The following NID2 variants were observed in gnomAD, a reference collection of about 807,000 sequenced individuals.
NID2 encodes nidogen 2.
NID2 carries 83 observed loss-of-function variants against 145.4 expected under a neutral mutation model. That is an observed-to-expected ratio of 0.57 (90% confidence interval 0.48 to 0.69). The LOEUF is 0.69. NID2 is among the 30% of genes least tolerant of loss of function. NID2 has a pLI of 0.00. For missense variants in NID2, 1,807 were observed against 1,765.7 expected (o/e 1.02, Z -0.42); for synonymous variants, 739 against 701.3 (o/e 1.05, Z -0.85).
At position 52,010,959 on chromosome 14, in the gene NID2, G is replaced by A; in HGVS notation, c.3639C>T (p.Ala1213=). The A allele has an allele frequency of 6.2e-7, 1 of 1,614,096 alleles. No individual in the cohort carries two copies. ...CCTTGCGCTCAGAGCCATCCAGCAGGGCGCTCTCTATCTTATCCAGGACAC... is the reference window on the plus strand; with the variant it reads ...CCTTGCGCTCAGAGCCATCCAGCAGAGCGCTCTCTATCTTATCCAGGACAC... ...TDSVLDKIES[A]LLDGSERKVL... is the part of the protein sequence containing the mutation. Residue 1213 remains alanine, a synonymous_variant, in exon 18 of 22, where the codon GCC becomes GCT. Transcript: ENST00000216286.
intron 5 of NID2, among the ~76,000 whole-genome samples, chr14:52,048,183 A>T (rs1426263205): frequency 6.6e-6 from 1 of 152,188 alleles, no homozygotes; most frequent in African/African-American, 2.4e-5. Context: ...ATTTCTGGCC[A>T]CCTGAGAAGC....
At position 52,054,021 on chromosome 14, in the gene NID2, C is replaced by G. The variant is rs762563617; in HGVS notation, c.1068G>C (p.Glu356Asp). 1 of 1,613,168 alleles carries G rather than the reference C, an allele frequency of 6.2e-7. No homozygotes were observed. The highest frequency in any genetic ancestry group is 1.1e-5 in the South Asian group (1 of 90,858). ...CAGAATCTGGAGGGGAGATCCTACC[C>G]TCTAAAGGCTTTGTATCCACTTTGG... ...FQSKVDTKPL[E>D]ESSTLDPHTK... Residue 356 changes from glutamate to aspartate, a missense_variant and splice_region_variant, in exon 4 of 22, where the codon GAG becomes GAC. Glu to Asp is a conservative substitution (Grantham distance 45). Transcript: ENST00000216286.
chr14:52,036,783 A>G (rs1028491105), intron 9 of NID2, among the ~76,000 whole-genome samples: 2 of 152,168 alleles, frequency 1.3e-5, no homozygotes, highest in Admixed American at 6.5e-5. Context: ...ACACATGCCC[A>G]TTGGGTATCT....
At chr14:52,018,233 G>C (rs572796119) in intron 14 of NID2, among the ~76,000 whole-genome samples, 21 of 152,334 alleles carry the variant, frequency 1.4e-4, no homozygotes, top group African/African-American at 4.8e-4. Flanking sequence ...AGTAAAAATG[G>C]ATCTTTGGAT....
At chr14:52,062,531 AT>A (rs1448608135) in intron 2 of NID2, among the ~76,000 whole-genome samples, 2 of 152,254 alleles carry the variant, frequency 1.3e-5, no homozygotes, top group Admixed American at 1.3e-4. Flanking sequence ...ATTAGTCAGA[AT>A]AAAGAAAAAT....
chr14:52,047,903 A>G (rs1005388686), intron 5 of NID2, among the ~76,000 whole-genome samples: 1 of 152,284 alleles, frequency 6.6e-6, no homozygotes, highest in Non-Finnish European at 1.5e-5. Flanking sequence ...AGACCACTGC[A>G]TCAGGATCAC....
chr14:52,020,358 A>G, intron 12 of NID2, 180 bp from the exon 13 acceptor site: 1 of 996,942 alleles, frequency 1.0e-6, no homozygotes, highest in African/African-American at 1.6e-5. Flanking sequence ...ATAGAAAGGA[A>G]GAAAAAAAAT....
At chr14:52,007,997 A>G (rs756624594) in intron 18 of NID2, 30 bp from the exon 19 acceptor site, 3 of 1,583,884 alleles carry the variant, frequency 1.9e-6, no homozygotes, top group Non-Finnish European at 2.6e-6. Flanking sequence ...ATTGTAAAAG[A>G]ATAGCCATGT....
At chr14:52,006,758 G>A in intron 19 of NID2, 98 bp from the exon 20 acceptor site, 2 of 1,317,328 alleles carry the variant, frequency 1.5e-6, no homozygotes, top group South Asian at 2.7e-5. Context: ...GGGGAAATAG[G>A]ATATTTTACT....
intron 12 of NID2, among the ~76,000 whole-genome samples, chr14:52,025,938 G>T (rs908164450): frequency 6.6e-6 from 1 of 152,104 alleles, no homozygotes; most frequent in African/African-American, 2.4e-5. Flanking sequence ...AAAATAAAAG[G>T]GCTGAACTGA....
At chr14:52,012,723 TAAAA>T (rs1026110600) in intron 16 of NID2, among the ~76,000 whole-genome samples, 3 of 152,102 alleles carry the variant, frequency 2.0e-5, no homozygotes, top group African/African-American at 7.2e-5. Flanking sequence ...AAAAAAATAA[TAAAA>T]ATAAAAAAAA....
intron 9 of NID2, among the ~76,000 whole-genome samples, chr14:52,033,970 A>G (rs929261087): frequency 1.3e-5 from 2 of 152,096 alleles, no homozygotes; most frequent in Non-Finnish European, 2.9e-5. Flanking sequence ...CTTCATTTCT[A>G]TACCTCAGTC....
At position 52,042,804 on chromosome 14, in the gene NID2, A is replaced by C; in HGVS notation, c.1557T>G (p.Asn519Lys). 2 of 1,614,096 alleles carry C rather than the reference A, an allele frequency of 1.2e-6. No individual in the cohort carries two copies. Among genetic ancestry groups the C allele is most frequent in the Non-Finnish European group, 1.7e-6 (2 of 1,179,970 alleles). ...TACCTTCAGGCAGACAGTGCTTCCC[A>C]TTTCCATAAAACTTGGATTGGCAGT... ...CCHCQSKFYGNGKHCLPEGAP... is the reference protein window; with the variant it reads ...CCHCQSKFYGKGKHCLPEGAP... Residue 519 changes from asparagine (N) to lysine (K), a missense_variant, in exon 6 of 22, where the codon AAT becomes AAG. Asn to Lys is a moderately conservative substitution (Grantham distance 94). Transcript: ENST00000216286.
chr14:52,044,565 C>T lies in NID2; in HGVS notation c.1430-1634G>A, dbSNP rs1043419319. On this transcript the variant is annotated intron_variant, in intron 5 of 21. Transcript: ENST00000216286. ...GATAACAGGCGTGAGCCACCCCGCC[C>T]GGCCAACAACTCTTAATTTGCACAA... Among the ~76,000 whole-genome samples the T allele has an allele frequency of 1.8e-4, 28 of 151,660 alleles. No individual in the cohort carries two copies. In the East Asian group the frequency reaches 4.1e-3, roughly 22 times the overall value.
intron 16 of NID2, among the ~76,000 whole-genome samples, chr14:52,013,562 T>C (rs1373478565): frequency 6.6e-6 from 1 of 152,202 alleles, no homozygotes; most frequent in Non-Finnish European, 1.5e-5. Flanking sequence ...AGTTCAACAA[T>C]GGAATCAGAT....
chr14:52,014,320 C>T lies in NID2; in HGVS notation c.3387G>A (p.Gln1129=), dbSNP rs771986632. ...ACAGCAGGGTCTTAGCTGCATCCTTCTGAAGCCTGGTGCCATTGAGGGGTA... is the reference window on the plus strand; with the variant it reads ...ACAGCAGGGTCTTAGCTGCATCCTTTTGAAGCCTGGTGCCATTGAGGGGTA... ...GYLPLNGTRL[Q]KDAAKTLLSL... is the part of the protein sequence containing the mutation. The change falls in exon 16 of 22, where the codon CAG becomes CAA. Residue 1129 remains glutamine, a synonymous_variant. Transcript: ENST00000216286. 3 of 1,614,262 alleles carry T rather than the reference C, an allele frequency of 1.9e-6. No homozygotes were observed. In the South Asian group the frequency reaches 3.3e-5, roughly 18 times the overall value.
chr14:52,045,648 A>C (rs1263648554), intron 5 of NID2, among the ~76,000 whole-genome samples: 1 of 152,218 alleles, frequency 6.6e-6, no homozygotes, highest in Non-Finnish European at 1.5e-5. Context: ...AAAGGGAAAA[A>C]AACATTTAGA....
chr14:52,006,204 A>C (rs893007211), intron 20 of NID2: 3 of 395,796 alleles, frequency 7.6e-6, no homozygotes, highest in African/African-American at 6.1e-5. Flanking sequence ...GCCCTGTAAT[A>C]TAGCTCATGG....
At chr14:52,007,654 C>T in intron 19 of NID2, 156 bp downstream of exon 19, 2 of 707,832 alleles carry the variant, frequency 2.8e-6, no homozygotes, top group Non-Finnish European at 4.8e-6. Context: ...CATTTTAAGA[C>T]TCATTTACTA....
Sources: allele counts gnomAD v4.1 joint callset (sites outside exome capture counted in the v4.1 genomes callset), GRCh38; gene constraint gnomAD v4.1.1; transcripts MANE v1.5; gene names NCBI Gene and HGNC (gene_info 2026-07-23, HGNC 2026-07-21).